The following EXOC2 variants were observed in gnomAD, a reference collection of about 807,000 sequenced individuals.
The protein encoded by EXOC2 is exocyst complex component 2.
In EXOC2, 70 loss-of-function variants were observed where a neutral mutation model predicts 131.8. The ratio of observed to expected loss-of-function variants is 0.53; its 90% CI spans 0.44 to 0.65. The LOEUF is 0.65. Among genes scored for constraint, EXOC2 ranks in the 30% least tolerant of loss-of-function variants. EXOC2 has a pLI of 0.00. For missense variants in EXOC2, 923 were observed against 1,108.6 expected (o/e 0.83, Z 2.38); for synonymous variants, 411 against 398.4 (o/e 1.03, Z -0.38).
chr6:651,731 A>AT (rs559272065), intron 1 of EXOC2, among the ~76,000 whole-genome samples: 83 of 151,900 alleles, frequency 5.5e-4, no homozygotes, highest in Non-Finnish European at 9.9e-4. Context: ...AGGGCAGAAG[A>AT]TTTTTTAAAT....
intron 1 of EXOC2, among the ~76,000 whole-genome samples, chr6:641,180 C>G (rs1762337552): frequency 6.6e-6 from 1 of 151,994 alleles, no homozygotes; most frequent in Admixed American, 6.6e-5. Context: ...TAATGGGAGG[C>G]TGACAGCTAA....
At chr6:579,262 TTAAG>T (rs533066827) in intron 11 of EXOC2, among the ~76,000 whole-genome samples, 49 of 152,368 alleles carry the variant, frequency 3.2e-4, no homozygotes, top group Non-Finnish European at 6.2e-4. Flanking sequence ...TTTGTATAGT[TTAAG>T]TACATCCTGA....
intron 11 of EXOC2, among the ~76,000 whole-genome samples, chr6:583,969 TC>T (rs1759061960): frequency 6.6e-6 from 1 of 152,212 alleles, no homozygotes; most frequent in South Asian, 2.1e-4. Context: ...CAACCTGGGT[TC>T]AGGCTGTGAT....
chr6:668,623 C>A (rs1378855068), intron 1 of EXOC2, among the ~76,000 whole-genome samples: 1 of 152,132 alleles, frequency 6.6e-6, no homozygotes, highest in Non-Finnish European at 1.5e-5. Context: ...ATTAATCGTA[C>A]CCCATGTATA....
intron 23 of EXOC2, among the ~76,000 whole-genome samples, chr6:502,336 T>C (rs962484027): frequency 3.9e-5 from 6 of 152,134 alleles, no homozygotes; most frequent in African/African-American, 1.2e-4. Context: ...TGACTGGAAA[T>C]GCGAAGGCAG....
chr6:672,057 T>G (rs563697054), intron 1 of EXOC2, among the ~76,000 whole-genome samples: 2 of 152,300 alleles, frequency 1.3e-5, no homozygotes, highest in East Asian at 3.9e-4. Flanking sequence ...CCTTCTTGGT[T>G]CCCACTATAC....
chr6:575,860 C>T (rs75280837), intron 12 of EXOC2, among the ~76,000 whole-genome samples: 2,999 of 152,226 alleles, frequency 0.02, 98 homozygotes, highest in African/African-American at 0.068. Flanking sequence ...TAGGAGCAAA[C>T]GGTTCTGATC....
At chr6:611,518 C>T (rs901145256) in intron 6 of EXOC2, among the ~76,000 whole-genome samples, 1 of 152,188 alleles carries the variant, frequency 6.6e-6, no homozygotes, top group Admixed American at 6.5e-5. Context: ...GTGACCCTGG[C>T]CCCCCGGCTC....
chr6:521,425 A>G (rs1765464835), intron 23 of EXOC2, among the ~76,000 whole-genome samples: 3 of 152,252 alleles, frequency 2.0e-5, no homozygotes, highest in Admixed American at 2.0e-4. Context: ...TCATGATGGT[A>G]GCCTTAAAAT....
chr6:530,525 C>T (rs1006995049), intron 23 of EXOC2, among the ~76,000 whole-genome samples: 3 of 152,184 alleles, frequency 2.0e-5, no homozygotes, highest in African/African-American at 2.4e-5. Context: ...TAGGCCAATG[C>T]GACCTGGAGA....
Position 598,065 on chromosome 6 carries a change from C to A in EXOC2, c.1029G>T (p.Leu343Phe), listed in dbSNP as rs1364472242. Residue 343 changes from leucine to phenylalanine, a missense_variant, in exon 10 of 28, where the codon TTG becomes TTT. Physicochemically the swap from Leu to Phe is conservative, Grantham distance 22. Coordinates refer to ENST00000230449, the MANE Select transcript of EXOC2 (RefSeq NM_018303.6). Reference protein sequence around the residue: ...EALRELLLDKLLETPSTLHDQ... With the variant: ...EALRELLLDKFLETPSTLHDQ... ...CATGTAAAGTTGATGGTGTCTCAAGCAATTTATCCAGAAGTAATTCTCTTA... is the reference window on the plus strand; with the variant it reads ...CATGTAAAGTTGATGGTGTCTCAAGAAATTTATCCAGAAGTAATTCTCTTA... 1 of 1,613,756 alleles carries A rather than the reference C, an allele frequency of 6.2e-7. No homozygotes were observed. Among genetic ancestry groups the A allele is most frequent in the East Asian group, 2.2e-5 (1 of 44,872 alleles).
chr6:659,579 C>T (rs528834658), intron 1 of EXOC2, among the ~76,000 whole-genome samples: 6 of 152,328 alleles, frequency 3.9e-5, no homozygotes, highest in Admixed American at 1.3e-4. Flanking sequence ...CCTTCCTCTC[C>T]CGAACACACA....
chr6:630,826 G>T (rs920790918), intron 3 of EXOC2, among the ~76,000 whole-genome samples: 1 of 152,138 alleles, frequency 6.6e-6, no homozygotes, highest in East Asian at 1.9e-4. Flanking sequence ...AATATCTAAC[G>T]ATTAAATCAA....
intron 17 of EXOC2, among the ~76,000 whole-genome samples, chr6:562,271 G>A (rs766383540): frequency 2.0e-5 from 3 of 152,206 alleles, no homozygotes; most frequent in Non-Finnish European, 2.9e-5. Context: ...GGGCACCCGT[G>A]AGACAAGTGT....
At position 666,879 on chromosome 6, in the gene EXOC2, A is replaced by AT. The variant is rs564420253; in HGVS notation, c.-44+26139dup. 7.3e-4 allele frequency among the ~76,000 whole-genome samples: 66 copies of AT among 90,656 alleles called. 15 individuals are homozygous for AT. Among genetic ancestry groups the AT allele is most frequent in the African/African-American group, 2.0e-3 (60 of 30,658 alleles). The allele number at this position is 90,656 out of a possible 152,430, so 59.5% of individuals were successfully genotyped here. ...TGGCAATTATGTTCTTTTTTTTTTA[A>AT]TTTTTTTTTCAGTGGCTATCTTAGA... On this transcript the variant is annotated intron_variant, in intron 1 of 27. Coordinates refer to ENST00000230449, the MANE Select transcript of EXOC2 (RefSeq NM_018303.6).
rs557443914 is a variant in EXOC2 at position 677,929 on chromosome 6, A to ATC, written c.-44+15088_-44+15089dup. Among the ~76,000 whole-genome samples the ATC allele has an allele frequency of 6.4e-3, 899 of 140,256 alleles. 3 individuals carry two copies. The highest frequency in any genetic ancestry group is 0.016 in the East Asian group (77 of 4,874). The allele number at this position is 140,256 out of a possible 152,430, so 92.0% of individuals were successfully genotyped here. ...GTTTGCATCAGGGGCTGTGCTTATA[A>ATC]TCTCTCACACACACACACACACACA... On this transcript the variant is annotated intron_variant, in intron 1 of 27. Coordinates refer to ENST00000230449, the MANE Select transcript of EXOC2 (RefSeq NM_018303.6).
intron 7 of EXOC2, among the ~76,000 whole-genome samples, chr6:602,736 C>T (rs891238869): frequency 1.3e-5 from 2 of 152,186 alleles, no homozygotes; most frequent in African/African-American, 4.8e-5. Context: ...CTCTCACTGT[C>T]TCGGTCACAC....
At chr6:516,851 C>CA (rs1491057985) in intron 23 of EXOC2, among the ~76,000 whole-genome samples, 2 of 152,188 alleles carry the variant, frequency 1.3e-5, no homozygotes, top group Non-Finnish European at 2.9e-5. Context: ...CCTAAATTCT[C>CA]AGAGTTCCTA....
chr6:656,168 A>G, intron 1 of EXOC2: 1 of 1,614,126 alleles, frequency 6.2e-7, no homozygotes, highest in Non-Finnish European at 8.5e-7. Context: ...CAAGCTGAAG[A>G]AGAGTATTGT....
Sources: gnomAD v4.1 joint callset for allele counts (sites outside exome capture counted in the v4.1 genomes callset) on GRCh38, gnomAD v4.1.1 for gene constraint, MANE v1.5 for transcripts, NCBI Gene and HGNC (gene_info 2026-07-23, HGNC 2026-07-21) for gene names.